The following CBFA2T3 variants were observed in gnomAD, a reference collection of about 807,000 sequenced individuals.
The protein encoded by CBFA2T3 is transcriptional corepressor CBFA2T3.
In CBFA2T3, 31 loss-of-function variants were observed where a neutral mutation model predicts 58.6. The ratio of observed to expected loss-of-function variants is 0.53; its 90% CI spans 0.40 to 0.71. CBFA2T3 has a LOEUF of 0.71. CBFA2T3 is among the 30% of genes least tolerant of loss of function. CBFA2T3 has a pLI of 0.00. For missense variants in CBFA2T3, 1,076 were observed against 963.1 expected, an observed-to-expected ratio of 1.12 and a Z score of -1.55; for synonymous variants, 531 against 421.9, an observed-to-expected ratio of 1.26 and a Z score of -3.17.
At chr16:88,917,865 G>A (rs527523908) in intron 1 of CBFA2T3, among the ~76,000 whole-genome samples, 1 of 150,232 alleles carries the variant, frequency 6.7e-6, no homozygotes, top group Non-Finnish European at 1.5e-5. Context: ...TGGGTGCGGA[G>A]GAGAGCGTGG....
intron 3 of CBFA2T3, among the ~76,000 whole-genome samples, chr16:88,896,519 C>A (rs964977031): frequency 6.6e-6 from 1 of 152,158 alleles, no homozygotes; most frequent in Admixed American, 6.5e-5. Flanking sequence ...AGCCTCTGTC[C>A]GGAGGACCCC....
chr16:88,948,635 C>G (rs1971968094), intron 1 of CBFA2T3, among the ~76,000 whole-genome samples: 1 of 152,254 alleles, frequency 6.6e-6, no homozygotes, highest in Non-Finnish European at 1.5e-5. Context: ...GGCATCGCTG[C>G]TTTTGCAGAA....
chr16:88,959,862 C>T (rs568010309), intron 1 of CBFA2T3, among the ~76,000 whole-genome samples: 49 of 152,184 alleles, frequency 3.2e-4, no homozygotes, highest in South Asian at 1.2e-3. Context: ...TCCATCTCTA[C>T]TAAAAATACA....
intron 9 of CBFA2T3, 63 bp downstream of exon 9, chr16:88,881,228 C>A: frequency 1.4e-6 from 2 of 1,434,700 alleles, no homozygotes; most frequent in Non-Finnish European, 1.9e-6. Context: ...CCTGACAGCT[C>A]CCAGGTGTCC....
chr16:88,893,058 G>A (rs1367404182), intron 3 of CBFA2T3, among the ~76,000 whole-genome samples: 5 of 152,274 alleles, frequency 3.3e-5, no homozygotes, highest in African/African-American at 4.8e-5. Context: ...CTTTCTGGAG[G>A]CACAGGAGAC....
chr16:88,885,013 G>A lies in CBFA2T3; in HGVS notation c.1117+33C>T, dbSNP rs755909799. 1.8e-5 allele frequency: 27 copies of A among 1,509,930 alleles called. No homozygotes were observed. In the Admixed American group the frequency reaches 2.3e-4, roughly 13 times the overall value. 93.5% of individuals were successfully genotyped at this position (1,509,930 alleles called of 1,614,324 possible). A position where few individuals can be genotyped will look rare whatever the true frequency, so the allele number is the denominator to read the frequency against. ...GGGCGCATGTGTGCTCCTGTAACACGCGTCCACGCTCCCGCCCCACCGGGC... is the reference window on the plus strand; with the variant it reads ...GGGCGCATGTGTGCTCCTGTAACACACGTCCACGCTCCCGCCCCACCGGGC... On this transcript the variant is annotated intron_variant, in intron 7 of 11. Coordinates refer to ENST00000268679, the MANE Select transcript of CBFA2T3 (RefSeq NM_005187.6). The surrounding 1 kb of genome is among the most constrained non-coding windows in gnomAD (Gnocchi z 5.3).
At chr16:88,917,930 G>A (rs1405692462) in intron 1 of CBFA2T3, among the ~76,000 whole-genome samples, 3 of 152,200 alleles carry the variant, frequency 2.0e-5, no homozygotes, top group Admixed American at 1.3e-4. Context: ...GGTGCGTGGA[G>A]GGACCCCAGG....
At chr16:88,881,686 G>A in intron 8 of CBFA2T3, 197 bp from the exon 9 acceptor site, 1 of 565,526 alleles carries the variant, frequency 1.8e-6, no homozygotes, top group Non-Finnish European at 3.1e-6. Context: ...CCGAGCGCCT[G>A]GGGGTACCAG....
intron 1 of CBFA2T3, among the ~76,000 whole-genome samples, chr16:88,946,847 G>A (rs2142828201): frequency 6.6e-6 from 1 of 152,196 alleles, no homozygotes; most frequent in East Asian, 1.9e-4. Flanking sequence ...GTGCAGTAGC[G>A]TGATCACAGC....
At chr16:88,899,554 C>T (rs553130831) in intron 2 of CBFA2T3, among the ~76,000 whole-genome samples, 142 of 152,282 alleles carry the variant, frequency 9.3e-4, no homozygotes, top group Middle Eastern at 3.4e-3. Context: ...CCAGGCATGC[C>T]GGCTGCCCTC....
At chr16:88,967,798 T>G (rs1245052789) in intron 1 of CBFA2T3, among the ~76,000 whole-genome samples, 1 of 152,116 alleles carries the variant, frequency 6.6e-6, no homozygotes, top group African/African-American at 2.4e-5. Context: ...ACACTGCCCC[T>G]TCCTGTCCAG....
At chr16:88,901,727 G>A (rs536698418) in intron 1 of CBFA2T3, 71 bp from the exon 2 acceptor site, 10 of 1,382,420 alleles carry the variant, frequency 7.2e-6, no homozygotes, top group Admixed American at 3.2e-5. Flanking sequence ...GCAGCCCCAC[G>A]GTTCCCAGCG....
chr16:88,893,153 C>T (rs1331065751), intron 3 of CBFA2T3, among the ~76,000 whole-genome samples: 2 of 152,100 alleles, frequency 1.3e-5, no homozygotes, highest in East Asian at 3.9e-4. Flanking sequence ...CCCCCACCCC[C>T]AATCAGGCAT....
rs1246626704 is a variant in CBFA2T3 at position 88,977,105 on chromosome 16, G to C, written c.-298C>G. 2 of 349,392 alleles carry C rather than the reference G, an allele frequency of 5.7e-6. No individual in the cohort carries two copies. The highest frequency in any genetic ancestry group is 1.1e-5 in the Non-Finnish European group (2 of 190,334). 21.6% of individuals were successfully genotyped at this position (349,392 alleles called of 1,614,324 possible). On this transcript the variant is annotated 5_prime_UTR_variant, in exon 1 of 12. In the 5' UTR this introduces an upstream ATG that the reference lacks. Transcript: ENST00000268679. ...GTGAGGCAGCCAGCTGTGTCCCCGT[G>C]ATAATGCCGGGGCCGGAGGCCTGCA...
intron 1 of CBFA2T3, chr16:88,938,170 C>T (rs563319700): frequency 6.6e-6 from 1 of 152,406 alleles, no homozygotes; most frequent in South Asian, 2.1e-4. Flanking sequence ...AGATGGGCCC[C>T]AGGGCCTGTA....
intron 1 of CBFA2T3, among the ~76,000 whole-genome samples, chr16:88,962,391 C>T (rs1005364065): frequency 2.0e-5 from 3 of 152,274 alleles, no homozygotes; most frequent in African/African-American, 7.2e-5. Flanking sequence ...GAACCAGCCT[C>T]GAAGGTGAAT....
At chr16:88,951,583 C>T (rs1972074494) in intron 1 of CBFA2T3, 3 of 363,784 alleles carry the variant, frequency 8.2e-6, no homozygotes, top group African/African-American at 6.4e-5. Context: ...CCCCTCGGGT[C>T]TGTGGCTTCT....
intron 1 of CBFA2T3, among the ~76,000 whole-genome samples, chr16:88,928,309 C>T (rs1971153231): frequency 6.6e-6 from 1 of 152,196 alleles, no homozygotes; most frequent in Non-Finnish European, 1.5e-5. Context: ...GGGGACGCTC[C>T]CCTACTCCCT....
intron 1 of CBFA2T3, among the ~76,000 whole-genome samples, chr16:88,963,884 G>C (rs906324721): frequency 6.6e-6 from 1 of 152,228 alleles, no homozygotes; most frequent in Admixed American, 6.5e-5. Context: ...CCACACGGGC[G>C]TGGGTTCCTC....
Sources: allele counts gnomAD v4.1 joint callset (sites outside exome capture counted in the v4.1 genomes callset), GRCh38; gene constraint gnomAD v4.1.1; non-coding constraint Gnocchi (gnomAD v3.1); transcripts MANE v1.5; gene names NCBI Gene and HGNC (gene_info 2026-07-23, HGNC 2026-07-21).